CTNND2: variants seen among roughly 807,000 people sequenced by gnomAD.
The protein encoded by CTNND2 is catenin delta-2.
A neutral mutation model predicts 144.4 loss-of-function variants in CTNND2; 22 were observed. The observed-to-expected ratio is 0.15, with a 90% confidence interval of 0.11 to 0.22. CTNND2 has a LOEUF of 0.22. Among genes scored for constraint, CTNND2 ranks in the 10% least tolerant of loss-of-function variants. The pLI, the probability that CTNND2 is intolerant of heterozygous loss-of-function variation, is 1.00. For synonymous variants in CTNND2, 751 were observed against 695.6 expected, an observed-to-expected ratio of 1.08 and a Z score of -1.25; for missense variants, 1,353 against 1,618.8, an observed-to-expected ratio of 0.84 and a Z score of 2.82.
chr5:11,322,960 A>ATAATT lies in CTNND2; in HGVS notation c.1628+23411_1628+23412insAATTA, dbSNP rs562309650. On this transcript the variant is annotated intron_variant, in intron 9 of 21. Coordinates refer to ENST00000304623, the MANE Select transcript of CTNND2 (RefSeq NM_001332.4). ...ACATGGTCTTTAGTTCTGTGGGCAGATGTGGTTATCTGACAAATTATGTCT... is the reference window on the plus strand; with the variant it reads ...ACATGGTCTTTAGTTCTGTGGGCAGATAATTTGTGGTTATCTGACAAATTATGTCT... 7.9e-5 allele frequency among the ~76,000 whole-genome samples: 12 copies of ATAATT among 152,284 alleles called. No homozygotes were observed. The South Asian group carries it at 2.3e-3, about 29-fold the overall frequency.
chr5:11,392,167 T>C (rs935224731), intron 6 of CTNND2, among the ~76,000 whole-genome samples: 5 of 152,228 alleles, frequency 3.3e-5, no homozygotes, highest in African/African-American at 9.6e-5. Flanking sequence ...CCCAGGTCTC[T>C]AAGTCACAAG....
At chr5:11,259,367 G>A (rs1390368877) in intron 9 of CTNND2, among the ~76,000 whole-genome samples, 1 of 152,192 alleles carries the variant, frequency 6.6e-6, no homozygotes, top group Non-Finnish European at 1.5e-5. Flanking sequence ...GCACCATGTA[G>A]AGAAGATGCT....
chr5:11,175,095 G>A (rs1287895687), intron 11 of CTNND2, among the ~76,000 whole-genome samples: 1 of 151,846 alleles, frequency 6.6e-6, no homozygotes, highest in Non-Finnish European at 1.5e-5. Flanking sequence ...CTATGCTTGT[G>A]TATTTCAAAC....
chr5:11,233,320 T>C (rs1350448192), intron 10 of CTNND2, among the ~76,000 whole-genome samples: 3 of 152,192 alleles, frequency 2.0e-5, no homozygotes, highest in Non-Finnish European at 4.4e-5. Flanking sequence ...TTCTTGGCTT[T>C]ATTATATGAA....
intron 10 of CTNND2, among the ~76,000 whole-genome samples, chr5:11,235,693 T>C (rs61750735): frequency 1.3e-5 from 2 of 152,274 alleles, no homozygotes; most frequent in Non-Finnish European, 2.9e-5. Flanking sequence ...TCACACCTGG[T>C]TGAGAACCAT....
At chr5:11,826,899 C>G (rs1793632313) in intron 1 of CTNND2, among the ~76,000 whole-genome samples, 2 of 151,964 alleles carry the variant, frequency 1.3e-5, no homozygotes, top group South Asian at 4.1e-4. Flanking sequence ...ATACTCCCCT[C>G]TCAATAGTTG....
At chr5:10,996,441 G>A (rs1267534155) in intron 18 of CTNND2, among the ~76,000 whole-genome samples, 1 of 134,534 alleles carries the variant, frequency 7.4e-6, no homozygotes, top group African/African-American at 2.8e-5. Flanking sequence ...CTCCAAGAAG[G>A]ACGTCTGTTC....
chr5:11,596,102 C>T (rs1441606413), intron 2 of CTNND2, among the ~76,000 whole-genome samples: 1 of 152,136 alleles, frequency 6.6e-6, no homozygotes, highest in African/African-American at 2.4e-5. Context: ...TATGGCAGAA[C>T]TGGGAGTATT....
At chr5:11,117,604 T>C in intron 12 of CTNND2, 37 bp from the exon 13 acceptor site, 1 of 1,529,902 alleles carries the variant, frequency 6.5e-7, no homozygotes. Context: ...ATCTTCACGG[T>C]TGTCACCAAA....
chr5:11,121,467 T>C (rs984671383), intron 12 of CTNND2, among the ~76,000 whole-genome samples: 1 of 152,198 alleles, frequency 6.6e-6, no homozygotes, highest in Admixed American at 6.5e-5. Flanking sequence ...TAATATCTCA[T>C]CCTTATTAGT....
intron 9 of CTNND2, among the ~76,000 whole-genome samples, chr5:11,324,778 C>A (rs1212837271): frequency 6.6e-6 from 1 of 152,092 alleles, no homozygotes; most frequent in African/African-American, 2.4e-5. Flanking sequence ...GTATAGTTGG[C>A]CCATTGTTTA....
At chr5:11,506,169 C>A (rs1010280189) in intron 3 of CTNND2, among the ~76,000 whole-genome samples, 3 of 152,066 alleles carry the variant, frequency 2.0e-5, no homozygotes, top group African/African-American at 7.2e-5. Context: ...TCCCCAAGCT[C>A]CAGACCTACA....
At chr5:11,117,066 C>T (rs1398722114) in intron 13 of CTNND2, among the ~76,000 whole-genome samples, 1 of 144,286 alleles carries the variant, frequency 6.9e-6, no homozygotes, top group African/African-American at 2.7e-5. Flanking sequence ...GAGACTCTGT[C>T]TCAAAAAATA....
intron 2 of CTNND2, among the ~76,000 whole-genome samples, chr5:11,636,573 C>T (rs1271601136): frequency 6.6e-6 from 1 of 152,196 alleles, no homozygotes; most frequent in Non-Finnish European, 1.5e-5. Context: ...TTTCTATCCC[C>T]TCCTGATGAT....
At chr5:11,578,669 GAATA>G (rs57654816) in intron 2 of CTNND2, among the ~76,000 whole-genome samples, 2,851 of 146,054 alleles carry the variant, frequency 0.02, 86 homozygotes, top group African/African-American at 0.065. Flanking sequence ...ACAAATACAT[GAATA>G]AATAAATAAA....
At chr5:11,618,123 C>A (rs1358782612) in intron 2 of CTNND2, among the ~76,000 whole-genome samples, 1 of 151,778 alleles carries the variant, frequency 6.6e-6, no homozygotes, top group African/African-American at 2.4e-5. Context: ...TCTAACCATA[C>A]CAGCTACTTG....
At chr5:11,271,149 T>A (rs990768228) in intron 9 of CTNND2, among the ~76,000 whole-genome samples, 1 of 152,224 alleles carries the variant, frequency 6.6e-6, no homozygotes, top group Non-Finnish European at 1.5e-5. Flanking sequence ...GGTAGATGCA[T>A]TTGAATAGGT....
intron 3 of CTNND2, among the ~76,000 whole-genome samples, chr5:11,458,647 T>C (rs1765937059): frequency 6.6e-6 from 1 of 152,254 alleles, no homozygotes; most frequent in Non-Finnish European, 1.5e-5. Context: ...TTCTACAAGA[T>C]GTTAATAGTT....
At chr5:11,110,203 G>A (rs1283651782) in intron 14 of CTNND2, among the ~76,000 whole-genome samples, 4 of 152,148 alleles carry the variant, frequency 2.6e-5, no homozygotes, top group Non-Finnish European at 5.9e-5. Context: ...TTGCTGCCTA[G>A]CGGCCTTCGT....
Sources: allele counts gnomAD v4.1 joint callset (sites outside exome capture counted in the v4.1 genomes callset), GRCh38; gene constraint gnomAD v4.1.1; transcripts MANE v1.5; gene names NCBI Gene and HGNC (gene_info 2026-07-23, HGNC 2026-07-21).